Variants in CSMD1 observed in about 807,000 individuals in gnomAD.
The protein encoded by CSMD1 is CUB and Sushi multiple domains 1, also known as CUB and sushi domain-containing protein 1.
In CSMD1, 213 loss-of-function variants were observed where a neutral mutation model predicts 417.5. The observed-to-expected ratio is 0.51, with a 90% confidence interval of 0.46 to 0.57. CSMD1 has a LOEUF of 0.57. CSMD1 is among the 20% of genes least tolerant of loss of function. The pLI, the probability that CSMD1 is intolerant of heterozygous loss-of-function variation, is 0.00. For synonymous variants in CSMD1, 2,862 were observed against 1,736.8 expected, an observed-to-expected ratio of 1.65 and a Z score of -16.11; for missense variants, 6,923 against 4,529.7, an observed-to-expected ratio of 1.53 and a Z score of -15.17.
intron 3 of CSMD1, among the ~76,000 whole-genome samples, chr8:4,339,474 G>C (rs1343861694): frequency 6.6e-6 from 1 of 152,080 alleles, no homozygotes; most frequent in Non-Finnish European, 1.5e-5. Flanking sequence ...CGCGAAATGA[G>C]ATACTGGAGC....
At chr8:3,064,022 TAA>T (rs1812760429) in intron 49 of CSMD1, among the ~76,000 whole-genome samples, 1 of 152,166 alleles carries the variant, frequency 6.6e-6, no homozygotes. Flanking sequence ...TAGGGAACAT[TAA>T]GTCTTGCTGC....
Position 3,771,066 on chromosome 8 carries a change from G to A in CSMD1, c.819-17024C>T, listed in dbSNP as rs188147016. ...TGTGTGTTTCATTTGCATGTCTGTG[G>A]TGGACAATAGTCTTGGGGGTATTGT... is the stretch of plus-strand genomic sequence containing the variant. On this transcript the variant is annotated intron_variant, in intron 5 of 69. Transcript: ENST00000635120. Among the ~76,000 whole-genome samples, 12 of 151,798 alleles carry A rather than the reference G, an allele frequency of 7.9e-5. 1 individual carries two copies. Among genetic ancestry groups the A allele is most frequent in the Non-Finnish European group, 1.8e-4 (12 of 67,962 alleles).
At chr8:4,812,349 T>A (rs977496161) in intron 1 of CSMD1, among the ~76,000 whole-genome samples, 1 of 152,222 alleles carries the variant, frequency 6.6e-6, no homozygotes, top group Non-Finnish European at 1.5e-5. Context: ...TCCAGTCTTT[T>A]TGGTACAAAC....
chr8:4,591,003 T>G (rs1408016937), intron 2 of CSMD1, among the ~76,000 whole-genome samples: 1 of 152,232 alleles, frequency 6.6e-6, no homozygotes, highest in African/African-American at 2.4e-5. Context: ...ACCTGTGGCC[T>G]GCCTTCTTCC....
intron 23 of CSMD1, among the ~76,000 whole-genome samples, chr8:3,338,775 C>G (rs1202993053): frequency 2.0e-5 from 3 of 150,016 alleles, no homozygotes; most frequent in South Asian, 2.1e-4. Context: ...TGTGGCAGCT[C>G]TATCATGCAG....
At chr8:4,779,792 A>T (rs1563363971) in intron 1 of CSMD1, among the ~76,000 whole-genome samples, 1 of 152,318 alleles carries the variant, frequency 6.6e-6, no homozygotes, top group East Asian at 1.9e-4. Context: ...TTTGGCAATG[A>T]CGACCCAGGG....
At chr8:3,980,621 T>G (rs904551894) in intron 5 of CSMD1, among the ~76,000 whole-genome samples, 3 of 152,222 alleles carry the variant, frequency 2.0e-5, no homozygotes, top group Admixed American at 6.5e-5. Context: ...CAATGATGCC[T>G]TACTTTTTGC....
intron 7 of CSMD1, among the ~76,000 whole-genome samples, chr8:3,703,236 G>T (rs892822335): frequency 1.3e-5 from 2 of 152,118 alleles, no homozygotes; most frequent in African/African-American, 4.8e-5. Context: ...AAAGACTACA[G>T]TCGCGCTGCC....
intron 3 of CSMD1, among the ~76,000 whole-genome samples, chr8:4,403,097 C>T (rs1441826040): frequency 1.3e-5 from 2 of 152,052 alleles, no homozygotes; most frequent in Non-Finnish European, 1.5e-5. Context: ...TCCCAAAGTG[C>T]TGGGATTACA....
At chr8:4,137,209 A>G (rs1647354) in intron 3 of CSMD1, among the ~76,000 whole-genome samples, 25,773 of 152,194 alleles carry the variant, frequency 0.17, 2,731 homozygotes, top group East Asian at 0.32. Flanking sequence ...GCCTGGAAAC[A>G]GTTGCCTTTA....
chr8:3,312,641 C>T (rs1393982270), intron 23 of CSMD1, among the ~76,000 whole-genome samples: 2 of 152,154 alleles, frequency 1.3e-5, no homozygotes, highest in Non-Finnish European at 2.9e-5. Flanking sequence ...GCCATCAATA[C>T]CTTGAAGGAC....
intron 5 of CSMD1, among the ~76,000 whole-genome samples, chr8:3,896,321 G>A (rs148596160): frequency 6.6e-6 from 1 of 152,124 alleles, no homozygotes; most frequent in African/African-American, 2.4e-5. Context: ...TGTATTTCCA[G>A]ATTTCCATAT....
At chr8:3,229,723 G>A (rs896279931) in intron 27 of CSMD1, among the ~76,000 whole-genome samples, 1 of 152,072 alleles carries the variant, frequency 6.6e-6, no homozygotes, top group African/African-American at 2.4e-5. Context: ...GCAATGGTAG[G>A]TTTATAAATT....
intron 3 of CSMD1, among the ~76,000 whole-genome samples, chr8:4,413,344 T>G (rs911320487): frequency 8.5e-5 from 13 of 152,136 alleles, no homozygotes; most frequent in African/African-American, 3.1e-4. Flanking sequence ...AAACCAATTC[T>G]ATCATTCATT....
At chr8:3,053,669 C>G (rs571561580) in intron 49 of CSMD1, among the ~76,000 whole-genome samples, 1 of 152,114 alleles carries the variant, frequency 6.6e-6, no homozygotes, top group Non-Finnish European at 1.5e-5. Flanking sequence ...TCTGTGTAAA[C>G]CCTTTCTTCT....
chr8:3,422,379 A>G (rs1370807412), intron 12 of CSMD1, among the ~76,000 whole-genome samples: 1 of 152,134 alleles, frequency 6.6e-6, no homozygotes, highest in African/African-American at 2.4e-5. Context: ...AGAATCTTGG[A>G]TTTGGGGCCA....
chr8:4,738,110 A>G lies in CSMD1; in HGVS notation c.86-100552T>C, dbSNP rs77961281. Among the ~76,000 whole-genome samples, 262 of 152,326 alleles carry G rather than the reference A, an allele frequency of 1.7e-3. 1 individual carries two copies. Among genetic ancestry groups the G allele is most frequent in the African/African-American group, 6.1e-3 (255 of 41,572 alleles). ...AGGTGAATGGGACAACAGTAAAGAC[A>G]CACACAGTTTTCTGTGCAAGGTCTC... On this transcript the variant is annotated intron_variant, in intron 1 of 69. Coordinates refer to ENST00000635120, the MANE Select transcript of CSMD1 (RefSeq NM_033225.6).
At chr8:4,815,932 G>C (rs62484627) in intron 1 of CSMD1, among the ~76,000 whole-genome samples, 2 of 152,058 alleles carry the variant, frequency 1.3e-5, no homozygotes, top group Non-Finnish European at 2.9e-5. Flanking sequence ...TTTTAAACCA[G>C]ATCTGGAAAG....
chr8:4,348,190 C>T (rs566237284), intron 3 of CSMD1, among the ~76,000 whole-genome samples: 1 of 152,218 alleles, frequency 6.6e-6, no homozygotes, highest in South Asian at 2.1e-4. Flanking sequence ...CTGGATATGG[C>T]ATTGTGCTGG....
Sources: gnomAD v4.1 joint callset for allele counts (sites outside exome capture counted in the v4.1 genomes callset) on GRCh38, gnomAD v4.1.1 for gene constraint, MANE v1.5 for transcripts, NCBI Gene and HGNC (gene_info 2026-07-23, HGNC 2026-07-21) for gene names.